Variants in ADORA2B observed in about 807,000 individuals in gnomAD.
ADORA2B encodes the protein adenosine A2b receptor.
A neutral mutation model predicts 20.8 loss-of-function variants in ADORA2B; 18 were observed. The ratio of observed to expected loss-of-function variants is 0.87; its 90% CI spans 0.60 to 1.29. ADORA2B has a LOEUF of 1.29. Ranked by LOEUF, ADORA2B falls within the 50% of genes most tolerant of loss-of-function variation. The pLI, the probability that ADORA2B is intolerant of heterozygous loss-of-function variation, is 0.00. For synonymous variants in ADORA2B, 179 were observed against 178.3 expected, an observed-to-expected ratio of 1.00 and a Z score of -0.03; for missense variants, 441 against 422.7, an observed-to-expected ratio of 1.04 and a Z score of -0.38.
the ADORA2B span, among the ~76,000 whole-genome samples, chr17:15,920,791 T>A: frequency 6.6e-6 from 1 of 151,374 alleles, no homozygotes; most frequent in African/African-American, 2.4e-5. Context: ...GCCAGAAAGG[T>A]GCATCACAGC....
upstream of ADORA2B, among the ~76,000 whole-genome samples, chr17:15,942,477 C>G (rs1237520410): frequency 6.6e-6 from 1 of 152,172 alleles, no homozygotes; most frequent in Non-Finnish European, 1.5e-5. Context: ...TTGTAAATTA[C>G]CCAGTCTCAG....
At chr17:15,863,824 A>G in the ADORA2B span, among the ~76,000 whole-genome samples, 1 of 152,192 alleles carries the variant, frequency 6.6e-6, no homozygotes. Context: ...TTTAAAACAA[A>G]ATGTAGCAAA....
At chr17:15,886,443 C>T in the ADORA2B span, among the ~76,000 whole-genome samples, 1 of 129,812 alleles carries the variant, frequency 7.7e-6, no homozygotes, top group Non-Finnish European at 1.6e-5. Flanking sequence ...GCCTTGAGGG[C>T]TGAACCACTA....
the ADORA2B span, among the ~76,000 whole-genome samples, chr17:15,882,903 C>G: frequency 1.3e-5 from 2 of 152,194 alleles, no homozygotes; most frequent in East Asian, 3.9e-4. Flanking sequence ...AACACCAAAG[C>G]CATCATGTCA....
chr17:15,969,981 T>C (rs925866913), intron 1 of ADORA2B, among the ~76,000 whole-genome samples: 14 of 152,238 alleles, frequency 9.2e-5, no homozygotes, highest in African/African-American at 3.1e-4. Flanking sequence ...ATGTTCTACT[T>C]TTCAAATTTC....
the ADORA2B span, among the ~76,000 whole-genome samples, chr17:15,887,038 C>T: frequency 2.6e-4 from 34 of 130,168 alleles, 5 homozygotes; most frequent in South Asian, 7.1e-3. Flanking sequence ...GGAAATGCTG[C>T]GGGTGGGGCC....
the ADORA2B span, among the ~76,000 whole-genome samples, chr17:15,926,939 C>T: frequency 6.6e-6 from 1 of 152,134 alleles, no homozygotes; most frequent in Middle Eastern, 3.4e-3. Context: ...TCTCTGCATT[C>T]CAGCCTCGGC....
chr17:15,957,468 G>A (rs1232626403), intron 1 of ADORA2B, among the ~76,000 whole-genome samples: 2 of 152,186 alleles, frequency 1.3e-5, no homozygotes, highest in Admixed American at 1.3e-4. Context: ...CAGGGCACAC[G>A]GGACAGGTTC....
chr17:15,944,259 T>G (rs565947714), upstream of ADORA2B, among the ~76,000 whole-genome samples: 1 of 152,006 alleles, frequency 6.6e-6, no homozygotes, highest in Non-Finnish European at 1.5e-5. This position sits in a 1 kb window ranked among gnomAD's most constrained non-coding sequence, Gnocchi z 4.8. Context: ...GGGGCACCAG[T>G]CTCTCTCCTG....
At chr17:15,942,764 C>T (rs1241570400), upstream of ADORA2B, among the ~76,000 whole-genome samples, 1 of 152,234 alleles carries the variant, frequency 6.6e-6, no homozygotes, top group Non-Finnish European at 1.5e-5. Context: ...TGCGGACTGG[C>T]ATCCCAGCAG....
At chr17:15,914,367 T>C in the ADORA2B span, among the ~76,000 whole-genome samples, 1 of 152,090 alleles carries the variant, frequency 6.6e-6, no homozygotes, top group African/African-American at 2.4e-5. Flanking sequence ...CAGCTGACTT[T>C]TTATATTTTT....
the ADORA2B span, among the ~76,000 whole-genome samples, chr17:15,882,675 A>G: frequency 1.3e-5 from 2 of 152,086 alleles, no homozygotes; most frequent in Admixed American, 6.6e-5. Flanking sequence ...GCCCATTTAC[A>G]CTTTTTTCCA....
At chr17:15,905,993 TTG>T in the ADORA2B span, among the ~76,000 whole-genome samples, 2 of 152,250 alleles carry the variant, frequency 1.3e-5, no homozygotes, top group African/African-American at 2.4e-5. Context: ...TTCTAAGACT[TTG>T]CTAAACCTGC....
chr17:15,887,810 G>A, the ADORA2B span, among the ~76,000 whole-genome samples: 2 of 123,482 alleles, frequency 1.6e-5, 1 homozygote, highest in Non-Finnish European at 3.3e-5. Context: ...AATTAGCCAG[G>A]TTTGGTGGCG....
intron 1 of ADORA2B, among the ~76,000 whole-genome samples, chr17:15,951,896 G>T (rs886098804): frequency 6.6e-6 from 1 of 152,174 alleles, no homozygotes; most frequent in African/African-American, 2.4e-5. Flanking sequence ...CCCTGAGACC[G>T]GAGCCTGGAG....
the ADORA2B span, among the ~76,000 whole-genome samples, chr17:15,891,921 C>T: frequency 6.8e-6 from 1 of 147,438 alleles, no homozygotes; most frequent in Admixed American, 6.9e-5. Flanking sequence ...GATCTTGGCT[C>T]ACTGCAACCT....
intron 1 of ADORA2B, 36 bp downstream of exon 1, chr17:15,945,619 G>A (rs756262039): frequency 2.8e-6 from 4 of 1,439,060 alleles, no homozygotes; most frequent in Admixed American, 2.6e-5. Flanking sequence ...TCGGGGCCCC[G>A]TCGGAGCTCC....
At chr17:15,942,741 G>A (rs1008040842), upstream of ADORA2B, among the ~76,000 whole-genome samples, 8 of 152,242 alleles carry the variant, frequency 5.3e-5, no homozygotes, top group African/African-American at 1.2e-4. Context: ...TCCCCGCCCC[G>A]TCCTGTGACC....
chr17:15,898,470 T>TTTA, the ADORA2B span, among the ~76,000 whole-genome samples: 3 of 148,568 alleles, frequency 2.0e-5, no homozygotes, highest in Non-Finnish European at 4.4e-5. Flanking sequence ...TTTTTTTTTT[T>TTTA]TTGAGACAGA....
Sources: allele counts gnomAD v4.1 joint callset (sites outside exome capture counted in the v4.1 genomes callset), GRCh38; gene constraint gnomAD v4.1.1; non-coding constraint Gnocchi (gnomAD v3.1); transcripts MANE v1.5; gene names NCBI Gene and HGNC (gene_info 2026-07-23, HGNC 2026-07-21).